Variants in SCN1A observed in about 807,000 individuals in gnomAD.
The protein encoded by SCN1A is sodium voltage-gated channel alpha subunit 1.
A neutral mutation model predicts 193.7 loss-of-function variants in SCN1A; 13 were observed. That is an observed-to-expected ratio of 0.07 (90% CI 0.04 to 0.11). The LOEUF (loss-of-function observed/expected upper bound fraction) is 0.11, where lower values mean the gene tolerates loss of function less well. Ranked by LOEUF, SCN1A falls within the 10% of genes least tolerant of loss-of-function variation. The pLI is 1.00. For missense variants in SCN1A, 1,432 were observed against 2,451.1 expected (o/e 0.58, Z 8.78); for synonymous variants, 781 against 843.6 (o/e 0.93, Z 1.29).
At chr2:166,004,937 G>A (rs1007943452) in intron 23 of SCN1A, among the ~76,000 whole-genome samples, 1 of 151,360 alleles carries the variant, frequency 6.6e-6, no homozygotes, top group African/African-American at 2.4e-5. Flanking sequence ...TTCTAGTACT[G>A]AACAGAACTG....
intron 1 of SCN1A, among the ~76,000 whole-genome samples, chr2:166,145,407 C>A (rs758227568): frequency 1.5e-4 from 23 of 152,192 alleles, no homozygotes; most frequent in African/African-American, 4.3e-4. Context: ...ATTATTTTAA[C>A]AGAAATATAG....
At chr2:166,108,797 G>C (rs1363932800) in intron 2 of SCN1A, among the ~76,000 whole-genome samples, 1 of 152,100 alleles carries the variant, frequency 6.6e-6, no homozygotes, top group Non-Finnish European at 1.5e-5. Flanking sequence ...CCTAGGACTG[G>C]GAGTGGGAAT....
At chr2:166,041,202 TA>T in intron 16 of SCN1A, 28 bp downstream of exon 16, 1 of 1,488,560 alleles carries the variant, frequency 6.7e-7, no homozygotes, top group Non-Finnish European at 9.4e-7. Flanking sequence ...ATTTGAAGAC[TA>T]AACACATTTA....
intron 2 of SCN1A, among the ~76,000 whole-genome samples, chr2:166,078,436 T>C (rs1024428712): frequency 6.6e-6 from 1 of 151,588 alleles, no homozygotes; most frequent in African/African-American, 2.4e-5. Flanking sequence ...CAGTAATACA[T>C]ATGTGCTACT....
At chr2:165,996,266 T>A (rs371310778) in intron 26 of SCN1A, 149 bp from the exon 27 acceptor site, 5 of 557,068 alleles carry the variant, frequency 9.0e-6, no homozygotes, top group East Asian at 6.3e-5. Flanking sequence ...GTAAAAAAAA[T>A]TGTACTCTTT....
At position 166,058,617 on chromosome 2, in the gene SCN1A, A is replaced by C. The variant is rs1301413501; in HGVS notation, c.336T>G (p.Thr112=). Reference sequence around the variant, plus strand: ...CTATTTTCCTAAGAGGATTGAAGGGAGTTAAAATGTACAGGGCAGAGGTGG... The same window carrying C: ...CTATTTTCCTAAGAGGATTGAAGGGCGTTAAAATGTACAGGGCAGAGGTGG... ...FSATSALYIL[T]PFNPLRKIAI... is the part of the protein sequence containing the mutation. The change falls in exon 5 of 29, where the codon ACT becomes ACG. Residue 112 remains threonine, a synonymous_variant. Coordinates refer to ENST00000674923, the MANE Select transcript of SCN1A (RefSeq NM_001165963.4). 6.2e-7 allele frequency: 1 copy of C among 1,612,064 alleles called. No homozygotes were observed. The highest frequency in any genetic ancestry group is 8.5e-7 in the Non-Finnish European group (1 of 1,178,444).
intron 1 of SCN1A, among the ~76,000 whole-genome samples, chr2:166,142,256 C>T (rs371195716): frequency 1.8e-4 from 27 of 152,276 alleles, no homozygotes; most frequent in East Asian, 1.4e-3. Flanking sequence ...GAAGATAAAA[C>T]CAAATAGTTT....
At position 165,992,665 on chromosome 2, in the gene SCN1A, AACT is replaced by A. The variant is rs1343278264; in HGVS notation, c.4853-246_4853-244del. Reference sequence around the variant, plus strand: ...TTTTTATCTTTAAGAGATGTTTATAAACTACTTTTAGTTTATGTAAAGTCCCAA... The same window carrying A: ...TTTTTATCTTTAAGAGATGTTTATAAACTTTTAGTTTATGTAAAGTCCCAA... On this transcript the variant is annotated intron_variant, in intron 28 of 28. Coordinates refer to ENST00000674923, the MANE Select transcript of SCN1A (RefSeq NM_001165963.4). This position sits in a 1 kb window ranked among gnomAD's most constrained non-coding sequence, Gnocchi z 6.5. 1 of 193,868 alleles carries A rather than the reference AACT, an allele frequency of 5.2e-6. No homozygotes were observed. Among genetic ancestry groups the A allele is most frequent in the East Asian group, 1.2e-4 (1 of 8,004 alleles). The allele number at this position is 193,868 out of a possible 1,614,324, so 12.0% of individuals were successfully genotyped here.
At chr2:166,142,929 T>A (rs1692151654) in intron 1 of SCN1A, among the ~76,000 whole-genome samples, 1 of 152,200 alleles carries the variant, frequency 6.6e-6, no homozygotes, top group Non-Finnish European at 1.5e-5. Flanking sequence ...AGGCGTGTCT[T>A]TTCTTTTCCT....
At chr2:166,097,017 TTGTTTTTGTTTTTG>T (rs1470724199) in intron 2 of SCN1A, among the ~76,000 whole-genome samples, 1 of 151,992 alleles carries the variant, frequency 6.6e-6, no homozygotes, top group African/African-American at 2.4e-5. Context: ...TGTGTTTTTT[TTGTTTTTGTTTTTG>T]TGTTTTTGGA....
intron 1 of SCN1A, among the ~76,000 whole-genome samples, chr2:166,147,171 G>C (rs1692359060): frequency 6.6e-6 from 1 of 152,102 alleles, no homozygotes; most frequent in Non-Finnish European, 1.5e-5. Context: ...GATGTTGCTG[G>C]TTAGGAGACC....
intron 2 of SCN1A, among the ~76,000 whole-genome samples, chr2:166,101,336 A>C: frequency 8.1e-6 from 1 of 123,270 alleles, no homozygotes; most frequent in Admixed American, 1.0e-4. Context: ...AGGAAGGGGA[A>C]TATCACACTC....
chr2:166,049,114 T>G (rs531417247), intron 9 of SCN1A, among the ~76,000 whole-genome samples, 165 bp from the exon 10 acceptor site: 1 of 151,924 alleles, frequency 6.6e-6, no homozygotes, highest in Non-Finnish European at 1.5e-5. Context: ...ATTCTAGATA[T>G]TCTATTAGAT....
chr2:165,996,840 A>C (rs550519323), intron 26 of SCN1A, among the ~76,000 whole-genome samples: 4 of 151,588 alleles, frequency 2.6e-5, no homozygotes, highest in African/African-American at 7.2e-5. Flanking sequence ...AACAAGTGAG[A>C]TGAAGCAACA....
At chr2:166,075,414 A>G (rs1293124716) in intron 3 of SCN1A, 1 of 151,992 alleles carries the variant, frequency 6.6e-6, no homozygotes, top group Non-Finnish European at 1.5e-5. Flanking sequence ...ACATATTCAA[A>G]TGGAATCTTA....
chr2:166,034,514 C>G (rs1696075540), intron 19 of SCN1A, among the ~76,000 whole-genome samples: 1 of 152,146 alleles, frequency 6.6e-6, no homozygotes, highest in South Asian at 2.1e-4. Flanking sequence ...ACTATACAGC[C>G]TAAAAGATGG....
intron 2 of SCN1A, among the ~76,000 whole-genome samples, chr2:166,099,313 C>G (rs377514823): frequency 1.3e-3 from 193 of 150,094 alleles, no homozygotes; most frequent in African/African-American, 3.9e-3. Flanking sequence ...ATTCAACAAC[C>G]CTTCATGCTA....
intron 2 of SCN1A, among the ~76,000 whole-genome samples, chr2:166,078,876 A>G (rs112630631): frequency 6.6e-6 from 1 of 151,778 alleles, no homozygotes; most frequent in Non-Finnish European, 1.5e-5. Flanking sequence ...TGCAAGAACT[A>G]TTTAAAAGAA....
At position 166,119,936 on chromosome 2, in the gene SCN1A, C is replaced by G. The variant is rs1023285625; in HGVS notation, c.-142+6988G>C. On this transcript the variant is annotated intron_variant, in intron 2 of 28. Coordinates refer to ENST00000674923, the MANE Select transcript of SCN1A (RefSeq NM_001165963.4). ...TAAGGCAACATATGTTTATTTTGAA[C>G]TTTATTTTAAGAAAACATACCAAAA... Among the ~76,000 whole-genome samples the G allele has an allele frequency of 2.6e-5, 4 of 151,868 alleles. No individual in the cohort carries two copies. In the South Asian group the frequency reaches 8.3e-4, roughly 32 times the overall value.
Sources: gnomAD v4.1 joint callset for allele counts (sites outside exome capture counted in the v4.1 genomes callset) on GRCh38, gnomAD v4.1.1 for gene constraint, Gnocchi (gnomAD v3.1) non-coding constraint, MANE v1.5 for transcripts, NCBI Gene and HGNC (gene_info 2026-07-23, HGNC 2026-07-21) for gene names.